Variants in DPYSL3 observed in about 807,000 individuals in gnomAD.
The protein encoded by DPYSL3 is dihydropyrimidinase like 3.
DPYSL3 carries 16 observed loss-of-function variants against 66.1 expected under a neutral mutation model. The ratio of observed to expected loss-of-function variants is 0.24; its 90% CI spans 0.16 to 0.37. The LOEUF (loss-of-function observed/expected upper bound fraction) is 0.37, where lower values mean the gene tolerates loss of function less well. Among genes scored for constraint, DPYSL3 ranks in the 10% least tolerant of loss-of-function variants. The pLI is 1.00. For missense variants in DPYSL3, 738 were observed against 916.2 expected, an observed-to-expected ratio of 0.81 and a Z score of 2.51; for synonymous variants, 338 against 345.1, an observed-to-expected ratio of 0.98 and a Z score of 0.23.
At chr5:147,451,456 TC>T (rs917439208) in intron 1 of DPYSL3, among the ~76,000 whole-genome samples, 1 of 152,168 alleles carries the variant, frequency 6.6e-6, no homozygotes, top group African/African-American at 2.4e-5. Flanking sequence ...CCACTGCAAA[TC>T]TGGTCCTGGG....
chr5:147,432,882 AC>A (rs1456082205), intron 1 of DPYSL3, among the ~76,000 whole-genome samples: 2 of 152,240 alleles, frequency 1.3e-5, no homozygotes, highest in African/African-American at 4.8e-5. Flanking sequence ...TACAATAAAA[AC>A]ATCACTAAAT....
intron 1 of DPYSL3, among the ~76,000 whole-genome samples, chr5:147,469,831 C>G (rs1753059270): frequency 6.6e-6 from 1 of 152,218 alleles, no homozygotes; most frequent in African/African-American, 2.4e-5. Flanking sequence ...TAACTGCATA[C>G]AGGATGTTTC....
intron 2 of DPYSL3, among the ~76,000 whole-genome samples, chr5:147,422,348 A>G (rs1393610780): frequency 6.6e-6 from 1 of 152,232 alleles, no homozygotes; most frequent in Non-Finnish European, 1.5e-5. Flanking sequence ...AAGTCAGGAA[A>G]CAACAGATGC....
chr5:147,439,921 G>A (rs1752500102), intron 1 of DPYSL3, among the ~76,000 whole-genome samples: 4 of 152,160 alleles, frequency 2.6e-5, no homozygotes, highest in Admixed American at 1.3e-4. Flanking sequence ...AGGATTGATA[G>A]ACTTCACAAC....
chr5:147,495,110 G>A (rs867599463), intron 1 of DPYSL3, among the ~76,000 whole-genome samples: 4 of 152,026 alleles, frequency 2.6e-5, no homozygotes, highest in African/African-American at 4.8e-5. Flanking sequence ...ATTTCCTGGC[G>A]AATTCTACCA....
chr5:147,464,974 G>C (rs1156506622), intron 1 of DPYSL3, among the ~76,000 whole-genome samples: 1 of 152,192 alleles, frequency 6.6e-6, no homozygotes, highest in Non-Finnish European at 1.5e-5. Flanking sequence ...CAAAGGGAGA[G>C]AATTGCTTGA....
At chr5:147,497,706 AT>A (rs1753541201) in intron 1 of DPYSL3, among the ~76,000 whole-genome samples, 3 of 121,390 alleles carry the variant, frequency 2.5e-5, no homozygotes, top group Non-Finnish European at 3.5e-5. Context: ...TCCATTCATG[AT>A]AAAAAAAAAA....
Position 147,457,051 on chromosome 5 carries a change from C to T in DPYSL3, c.382-32088G>A, listed in dbSNP as rs1752863174. 2.0e-5 allele frequency among the ~76,000 whole-genome samples: 3 copies of T among 152,024 alleles called. No homozygotes were observed. The South Asian group carries it at 6.2e-4, about 32-fold the overall frequency. On this transcript the variant is annotated intron_variant, in intron 1 of 13. Transcript: ENST00000343218. ...TCATTCATTCATTCATTCATTCATTCATTCTCAAAATATTCACACAATATT... is the reference window on the plus strand; with the variant it reads ...TCATTCATTCATTCATTCATTCATTTATTCTCAAAATATTCACACAATATT...
chr5:147,497,239 AG>A (rs1753532441), intron 1 of DPYSL3, among the ~76,000 whole-genome samples: 1 of 113,826 alleles, frequency 8.8e-6, no homozygotes, highest in Non-Finnish European at 1.8e-5. Context: ...ATCACACACC[AG>A]GGACTGTTGT....
chr5:147,392,022 ATG>A lies in DPYSL3; in HGVS notation c.*2011_*2012del, dbSNP rs1757824576. 2 of 152,210 alleles carry A rather than the reference ATG, an allele frequency of 1.3e-5. No homozygotes were observed. Among genetic ancestry groups the A allele is most frequent in the African/African-American group, 2.4e-5 (1 of 41,442 alleles). The allele number at this position is 152,210 out of a possible 1,614,324, so 9.4% of individuals were successfully genotyped here. ...GAAGTGGACGCTCAGAAGCGAGTTT[ATG>A]TGTGTCTTTTCCTCTATCTGCTGGC... On this transcript the variant is annotated 3_prime_UTR_variant, in exon 14 of 14. Transcript: ENST00000343218.
At chr5:147,500,170 TGA>T (rs1491552179) in intron 1 of DPYSL3, among the ~76,000 whole-genome samples, 1 of 152,164 alleles carries the variant, frequency 6.6e-6, no homozygotes, top group Non-Finnish European at 1.5e-5. Flanking sequence ...AAATAATTGG[TGA>T]GCTGGACTAT....
At chr5:147,480,895 T>C (rs1753229403) in intron 1 of DPYSL3, among the ~76,000 whole-genome samples, 1 of 151,990 alleles carries the variant, frequency 6.6e-6, no homozygotes, top group Non-Finnish European at 1.5e-5. Context: ...GCTCATTTTG[T>C]ATTTTTAGTA....
intron 1 of DPYSL3, among the ~76,000 whole-genome samples, chr5:147,483,263 G>C (rs1157777856): frequency 6.6e-6 from 1 of 152,208 alleles, no homozygotes; most frequent in Non-Finnish European, 1.5e-5. Context: ...ATGCTTTTTA[G>C]TTAGAGCTGT....
chr5:147,496,855 A>T (rs1365677435), intron 1 of DPYSL3, among the ~76,000 whole-genome samples: 1 of 152,018 alleles, frequency 6.6e-6, no homozygotes, highest in Non-Finnish European at 1.5e-5. Context: ...TTCCTCAGGG[A>T]TCTAGAACTA....
chr5:147,470,357 G>A (rs964222261), intron 1 of DPYSL3, among the ~76,000 whole-genome samples: 4 of 151,966 alleles, frequency 2.6e-5, no homozygotes, highest in South Asian at 2.1e-4. Context: ...TACCTTTTCC[G>A]GTGCTCTGTA....
In DPYSL3 at chr5:147,408,694, C is replaced by T. The variant is rs11953018; in HGVS notation, c.1032+34G>A. 87 of 1,606,512 alleles carry T rather than the reference C, an allele frequency of 5.4e-5. No individual in the cohort carries two copies. In the East Asian group the frequency reaches 1.1e-3, roughly 20 times the overall value. ...CGCCTTTTAACAATGTTTATTCATG[C>T]GTTGTGTGTGCACCTTCATCCCCTG... On this transcript the variant is annotated intron_variant, in intron 7 of 13. Coordinates refer to ENST00000343218, the MANE Select transcript of DPYSL3 (RefSeq NM_001197294.2).
chr5:147,496,610 A>C (rs1353510605), intron 1 of DPYSL3, among the ~76,000 whole-genome samples: 4 of 152,162 alleles, frequency 2.6e-5, no homozygotes, highest in Non-Finnish European at 4.4e-5. Flanking sequence ...GACATTTCTC[A>C]AAAGAAGACA....
At chr5:147,460,517 G>A (rs1317411056) in intron 1 of DPYSL3, among the ~76,000 whole-genome samples, 1 of 152,166 alleles carries the variant, frequency 6.6e-6, no homozygotes, top group African/African-American at 2.4e-5. Flanking sequence ...CTTGACAAGG[G>A]GAGATTATCC....
chr5:147,410,826 C>T (rs1248763786), intron 6 of DPYSL3, among the ~76,000 whole-genome samples: 2 of 152,112 alleles, frequency 1.3e-5, no homozygotes, highest in South Asian at 2.1e-4. Flanking sequence ...TCTTTCTGCT[C>T]AAGCTGAATT....
Sources: allele counts gnomAD v4.1 joint callset (sites outside exome capture counted in the v4.1 genomes callset), GRCh38; gene constraint gnomAD v4.1.1; transcripts MANE v1.5; gene names NCBI Gene and HGNC (gene_info 2026-07-23, HGNC 2026-07-21).